CAMKMT: variants seen among roughly 807,000 people sequenced by gnomAD.
CAMKMT encodes the protein CaM KMT.
In CAMKMT, 53 loss-of-function variants were observed where a neutral mutation model predicts 48.0. The ratio of observed to expected loss-of-function variants is 1.10; its 90% CI spans 0.89 to 1.39. CAMKMT has a LOEUF of 1.39. Among genes scored for constraint, CAMKMT ranks in the 40% most tolerant of loss-of-function variants. The pLI, the probability that CAMKMT is intolerant of heterozygous loss-of-function variation, is 0.00. For missense variants in CAMKMT, 428 were observed against 402.7 expected, an observed-to-expected ratio of 1.06 and a Z score of -0.54; for synonymous variants, 165 against 152.3, an observed-to-expected ratio of 1.08 and a Z score of -0.61.
chr2:44,658,861 A>C (rs17390344), intron 3 of CAMKMT, among the ~76,000 whole-genome samples: 15,991 of 152,046 alleles, frequency 0.11, 1,001 homozygotes, highest in Admixed American at 0.2. Flanking sequence ...TCTACTCTTT[A>C]CTTGGACTGC....
intron 7 of CAMKMT, among the ~76,000 whole-genome samples, chr2:44,726,998 C>T (rs1678825074): frequency 6.6e-6 from 1 of 152,122 alleles, no homozygotes; most frequent in African/African-American, 2.4e-5. Context: ...TATACCAGTA[C>T]CAAGCTGTTT....
chr2:44,378,522 T>G (rs1379280185), intron 2 of CAMKMT, among the ~76,000 whole-genome samples: 1 of 152,132 alleles, frequency 6.6e-6, no homozygotes, highest in East Asian at 1.9e-4. Context: ...TGAGACAGAG[T>G]CTTGCTCTGT....
chr2:44,751,943 C>T (rs1324662737), intron 8 of CAMKMT, among the ~76,000 whole-genome samples: 1 of 152,040 alleles, frequency 6.6e-6, no homozygotes, highest in Non-Finnish European at 1.5e-5. Flanking sequence ...TTTCAACCAA[C>T]CAGATCTCAC....
chr2:44,493,965 C>G (rs1235727364), intron 3 of CAMKMT, among the ~76,000 whole-genome samples: 1 of 152,190 alleles, frequency 6.6e-6, no homozygotes, highest in Non-Finnish European at 1.5e-5. Context: ...TTTTAAACCA[C>G]TTAGTAATTT....
chr2:44,569,629 A>C (rs1397582208), intron 3 of CAMKMT, among the ~76,000 whole-genome samples: 1 of 151,856 alleles, frequency 6.6e-6, no homozygotes, highest in East Asian at 1.9e-4. Context: ...CTCTTTGTGG[A>C]GGTAGTAGCT....
At chr2:44,405,390 T>C (rs577961474) in intron 3 of CAMKMT, among the ~76,000 whole-genome samples, 1 of 152,242 alleles carries the variant, frequency 6.6e-6, no homozygotes, top group South Asian at 2.1e-4. Flanking sequence ...AGTTATATGC[T>C]ATATTCTGGA....
chr2:44,584,057 A>T (rs1669716258), intron 3 of CAMKMT, among the ~76,000 whole-genome samples: 1 of 152,194 alleles, frequency 6.6e-6, no homozygotes, highest in African/African-American at 2.4e-5. Flanking sequence ...AGTACAACTC[A>T]TCATTTTCCC....
At chr2:44,364,566 T>G (rs1678393160) in intron 1 of CAMKMT, among the ~76,000 whole-genome samples, 1 of 152,218 alleles carries the variant, frequency 6.6e-6, no homozygotes, top group Admixed American at 6.5e-5. Context: ...TAATTGATTT[T>G]TAGTAGATGT....
At chr2:44,760,610 CAAAA>C (rs1162341532) in intron 9 of CAMKMT, among the ~76,000 whole-genome samples, 1 of 60,360 alleles carries the variant, frequency 1.7e-5, no homozygotes. Context: ...GATTCCATCT[CAAAA>C]AAAAAAAAAA....
At chr2:44,766,224 G>T (rs754538800) in intron 9 of CAMKMT, among the ~76,000 whole-genome samples, 4 of 152,148 alleles carry the variant, frequency 2.6e-5, no homozygotes, top group Non-Finnish European at 5.9e-5. Flanking sequence ...ACAGCAACTG[G>T]CCATTTGGAT....
At chr2:44,412,237 C>T (rs962224385) in intron 3 of CAMKMT, among the ~76,000 whole-genome samples, 1 of 152,132 alleles carries the variant, frequency 6.6e-6, no homozygotes, top group Non-Finnish European at 1.5e-5. Context: ...TGTTCTACTC[C>T]CGTACATACA....
At chr2:44,524,028 C>T (rs889898440) in intron 3 of CAMKMT, among the ~76,000 whole-genome samples, 1 of 152,008 alleles carries the variant, frequency 6.6e-6, no homozygotes, top group Admixed American at 6.6e-5. Context: ...CCGCTCGCCT[C>T]GGCCTCCCAA....
intron 3 of CAMKMT, among the ~76,000 whole-genome samples, chr2:44,508,497 C>G (rs1242816464): frequency 6.6e-6 from 1 of 152,134 alleles, no homozygotes; most frequent in Non-Finnish European, 1.5e-5. Flanking sequence ...ATGTTTCTTT[C>G]CTTCCCTCAC....
intron 3 of CAMKMT, among the ~76,000 whole-genome samples, chr2:44,698,017 G>A (rs1310983681): frequency 1.3e-5 from 2 of 152,152 alleles, no homozygotes; most frequent in East Asian, 3.9e-4. Context: ...TTTAAACTAT[G>A]TGTCTCTATA....
At chr2:44,567,666 T>C (rs923040190) in intron 3 of CAMKMT, among the ~76,000 whole-genome samples, 5 of 152,148 alleles carry the variant, frequency 3.3e-5, no homozygotes, top group East Asian at 1.9e-4. Flanking sequence ...AGGATGAGAA[T>C]TGAAATAAGA....
intron 1 of CAMKMT, among the ~76,000 whole-genome samples, chr2:44,372,412 C>T (rs1191411003): frequency 6.6e-6 from 1 of 150,864 alleles, no homozygotes; most frequent in Non-Finnish European, 1.5e-5. Flanking sequence ...CTGAACCCAG[C>T]TGGGTGACAG....
intron 3 of CAMKMT, among the ~76,000 whole-genome samples, chr2:44,584,098 A>T (rs888321306): frequency 6.6e-6 from 1 of 152,194 alleles, no homozygotes; most frequent in South Asian, 2.1e-4. Context: ...CGAGTTTCAG[A>T]TAAATGAAAT....
At chr2:44,669,863 C>G (rs1675229962) in intron 3 of CAMKMT, among the ~76,000 whole-genome samples, 1 of 152,126 alleles carries the variant, frequency 6.6e-6, no homozygotes, top group African/African-American at 2.4e-5. Flanking sequence ...GTCTCGAACT[C>G]CTGGGCTCAA....
intron 7 of CAMKMT, among the ~76,000 whole-genome samples, chr2:44,724,047 C>T (rs1055133259): frequency 2.6e-5 from 4 of 152,202 alleles, no homozygotes; most frequent in Admixed American, 1.3e-4. Flanking sequence ...CTTAGGGGAA[C>T]TGTCACTTCT....
Sources: gnomAD v4.1 joint callset for allele counts (sites outside exome capture counted in the v4.1 genomes callset) on GRCh38, gnomAD v4.1.1 for gene constraint, MANE v1.5 for transcripts, NCBI Gene and HGNC (gene_info 2026-07-23, HGNC 2026-07-21) for gene names.